The following TSHZ1 variants were observed in gnomAD, a reference collection of about 807,000 sequenced individuals.
TSHZ1 encodes teashirt homolog 1.
TSHZ1 carries 12 observed loss-of-function variants against 67.1 expected under a neutral mutation model. The ratio of observed to expected loss-of-function variants is 0.18; its 90% CI spans 0.11 to 0.29. The LOEUF is 0.29. Among genes scored for constraint, TSHZ1 ranks in the 10% least tolerant of loss-of-function variants. The probability of loss-of-function intolerance (pLI) is 1.00; values close to 1 mark genes in which losing one functional copy is unlikely to be tolerated. For synonymous variants in TSHZ1, 632 were observed against 622.4 expected, an observed-to-expected ratio of 1.02 and a Z score of -0.23; for missense variants, 1,305 against 1,413.9, an observed-to-expected ratio of 0.92 and a Z score of 1.23.
chr18:75,260,636 A>G (rs1398660698), intron 1 of TSHZ1, among the ~76,000 whole-genome samples: 1 of 152,208 alleles, frequency 6.6e-6, no homozygotes, highest in Non-Finnish European at 1.5e-5. Context: ...CTGATCTTCA[A>G]AAAGGTGTGC....
chr18:75,228,051 G>C (rs1487950868), intron 1 of TSHZ1, among the ~76,000 whole-genome samples: 1 of 152,164 alleles, frequency 6.6e-6, no homozygotes, highest in African/African-American at 2.4e-5. Context: ...ATTTAGACTT[G>C]GGTTGTACAA....
rs141204136 is a variant in TSHZ1 at position 75,289,571 on chromosome 18, C to G, written c.*930C>G. On this transcript the variant is annotated 3_prime_UTR_variant, in exon 2 of 2. Coordinates refer to ENST00000580243, the MANE Select transcript of TSHZ1 (RefSeq NM_001308210.2). The stretch of plus-strand genomic sequence containing the variant: ...TCAGCTTAAAAACTCCTGTATGTTA[C>G]ATATCGTACCATTTTAATCTCTTCA... 2 of 167,186 alleles carry G rather than the reference C, an allele frequency of 1.2e-5. No homozygotes were observed. Among genetic ancestry groups the G allele is most frequent in the African/African-American group, 4.8e-5 (2 of 41,568 alleles). 10.4% of individuals were successfully genotyped at this position (167,186 alleles called of 1,614,324 possible). A position where few individuals can be genotyped will look rare whatever the true frequency, so the allele number is the denominator to read the frequency against.
At chr18:75,218,634 A>G (rs1415444604) in intron 1 of TSHZ1, among the ~76,000 whole-genome samples, 1 of 152,238 alleles carries the variant, frequency 6.6e-6, no homozygotes, top group Non-Finnish European at 1.5e-5. Context: ...CTGCACCTGT[A>G]CACTGTGGGG....
At chr18:75,269,421 C>T (rs1179050655) in intron 1 of TSHZ1, among the ~76,000 whole-genome samples, 1 of 152,146 alleles carries the variant, frequency 6.6e-6, no homozygotes, top group East Asian at 1.9e-4. Context: ...TGGTTACCTC[C>T]CCTGTGCTAT....
At chr18:75,227,900 C>A (rs1007785846) in intron 1 of TSHZ1, among the ~76,000 whole-genome samples, 3 of 152,206 alleles carry the variant, frequency 2.0e-5, no homozygotes, top group African/African-American at 7.2e-5. Flanking sequence ...CTTCCTTCCC[C>A]CGCCGTTAGG....
At position 75,285,573 on chromosome 18, in the gene TSHZ1, G is replaced by A. The variant is rs1159232588; in HGVS notation, c.166G>A (p.Ala56Thr). 1 of 1,600,022 alleles carries A rather than the reference G, an allele frequency of 6.2e-7. No individual in the cohort carries two copies. The highest frequency in any genetic ancestry group is 8.6e-7 in the Non-Finnish European group (1 of 1,169,572). Reference sequence around the variant, plus strand: ...CAATGAAGAGACGGAGATCAAAGAGGCGCAGAGCTACCAGAACTCCCCAGT... The same window carrying A: ...CAATGAAGAGACGGAGATCAAAGAGACGCAGAGCTACCAGAACTCCCCAGT... ...MCNEETEIKE[A>T]QSYQNSPVSS... Residue 56 changes from alanine to threonine, a missense_variant, in exon 2 of 2, where the codon GCG becomes ACG. This residue lies in a region of TSHZ1 where 358 missense variants were observed against 375.6 expected (regional missense o/e 0.95). Coordinates refer to ENST00000580243, the MANE Select transcript of TSHZ1 (RefSeq NM_001308210.2).
intron 1 of TSHZ1, among the ~76,000 whole-genome samples, chr18:75,264,422 C>T (rs1397407666): frequency 6.6e-6 from 1 of 151,530 alleles, no homozygotes; most frequent in Non-Finnish European, 1.5e-5. Context: ...GGTGGTGTTT[C>T]TGTGCCTTTC....
chr18:75,236,434 G>C (rs548574916), intron 1 of TSHZ1, among the ~76,000 whole-genome samples: 2 of 152,280 alleles, frequency 1.3e-5, no homozygotes, highest in Admixed American at 1.3e-4. Context: ...ATATCCCAAA[G>C]TCACATTGGC....
chr18:75,286,952 G>T lies in TSHZ1; in HGVS notation c.1545G>T (p.Lys515Asn). 1 of 1,614,158 alleles carries T rather than the reference G, an allele frequency of 6.2e-7. No homozygotes were observed. The highest frequency in any genetic ancestry group is 8.5e-7 in the Non-Finnish European group (1 of 1,180,030). Residue 515 changes from lysine (K) to asparagine (N), a missense_variant, in exon 2 of 2, where the codon AAG becomes AAT. This residue lies in a region of TSHZ1 where 909 missense variants were observed against 961.8 expected (regional missense o/e 0.95). Transcript: ENST00000580243. The surrounding 1 kb of genome is among the most constrained non-coding windows in gnomAD (Gnocchi z 5.1). ...EKPPVAGDAE[K>N]IKEESEDSLE... The stretch of plus-strand genomic sequence containing the variant: ...CGCCTGTGGCTGGCGACGCGGAGAA[G>T]ATCAAGGAGGAGAGTGAGGACAGCT...
chr18:75,251,972 A>T (rs947720050), intron 1 of TSHZ1, among the ~76,000 whole-genome samples: 5 of 152,264 alleles, frequency 3.3e-5, no homozygotes, highest in Admixed American at 6.5e-5. Context: ...TTAAAAATTA[A>T]TGAAACTTAT....
chr18:75,229,364 C>T (rs923008635), intron 1 of TSHZ1, among the ~76,000 whole-genome samples: 4 of 152,236 alleles, frequency 2.6e-5, no homozygotes, highest in African/African-American at 4.8e-5. Flanking sequence ...TGGGAGCTTC[C>T]GGTCCGATGG....
intron 1 of TSHZ1, among the ~76,000 whole-genome samples, chr18:75,223,154 G>T (rs542766578): frequency 1.3e-5 from 2 of 152,274 alleles, no homozygotes; most frequent in South Asian, 4.1e-4. Flanking sequence ...ACGGCACTCA[G>T]TTATCTCAAC....
At chr18:75,220,922 T>C (rs2022837491) in intron 1 of TSHZ1, 1 of 152,248 alleles carries the variant, frequency 6.6e-6, no homozygotes, top group South Asian at 2.1e-4. Context: ...ATTTTTACCA[T>C]TTTTATTTTC....
intron 1 of TSHZ1, among the ~76,000 whole-genome samples, chr18:75,279,350 G>C (rs2023657108): frequency 6.6e-6 from 1 of 152,202 alleles, no homozygotes; most frequent in African/African-American, 2.4e-5. Flanking sequence ...AGATGATCAG[G>C]ATTCAATAAA....
At chr18:75,221,824 G>A (rs528233826) in intron 1 of TSHZ1, among the ~76,000 whole-genome samples, 7 of 152,214 alleles carry the variant, frequency 4.6e-5, no homozygotes, top group East Asian at 1.9e-4. Context: ...AGCCAAATCC[G>A]GGCAAATAAT....
rs996473830 is a variant in TSHZ1 at position 75,288,670 on chromosome 18, A to G, written c.*29A>G. On this transcript the variant is annotated 3_prime_UTR_variant, in exon 2 of 2. Coordinates refer to ENST00000580243, the MANE Select transcript of TSHZ1 (RefSeq NM_001308210.2). The surrounding 1 kb of genome is among the most constrained non-coding windows in gnomAD (Gnocchi z 4.9). ...CCAGGTATGCAAGAGACCGCGGAAC[A>G]TTGCACTAAACGTCGTCGAGCTGCA... 3.9e-6 allele frequency: 6 copies of G among 1,544,256 alleles called. No homozygotes were observed. Among genetic ancestry groups the G allele is most frequent in the Non-Finnish European group, 4.4e-6 (5 of 1,147,244 alleles).
intron 1 of TSHZ1, among the ~76,000 whole-genome samples, chr18:75,227,759 A>G (rs1050440783): frequency 2.0e-5 from 3 of 152,256 alleles, no homozygotes; most frequent in Non-Finnish European, 4.4e-5. Flanking sequence ...GGAACTTTCC[A>G]GAAAGAAGTC....
At chr18:75,263,424 A>T (rs1334124671) in intron 1 of TSHZ1, among the ~76,000 whole-genome samples, 1 of 152,224 alleles carries the variant, frequency 6.6e-6, no homozygotes, top group Non-Finnish European at 1.5e-5. Flanking sequence ...TAAATAAGTT[A>T]TCAATAATCA....
At chr18:75,232,209 G>A (rs1232185473) in intron 1 of TSHZ1, among the ~76,000 whole-genome samples, 6 of 152,144 alleles carry the variant, frequency 3.9e-5, no homozygotes, top group Non-Finnish European at 4.4e-5. Flanking sequence ...CACTGCGCCC[G>A]GACTTTTTTT....
Sources: gnomAD v4.1 joint callset for allele counts (sites outside exome capture counted in the v4.1 genomes callset) on GRCh38, gnomAD v4.1.1 for gene constraint, gnomAD v4.1.1 regional missense constraint, Gnocchi (gnomAD v3.1) non-coding constraint, MANE v1.5 for transcripts, NCBI Gene and HGNC (gene_info 2026-07-23, HGNC 2026-07-21) for gene names.